Variants in SH3KBP1 observed in about 807,000 individuals in gnomAD.
The protein encoded by SH3KBP1 is SH3 domain containing kinase binding protein 1.
SH3KBP1 carries 8 observed loss-of-function variants against 50.1 expected under a neutral mutation model. The ratio of observed to expected loss-of-function variants is 0.16; its 90% CI spans 0.09 to 0.29. The LOEUF is 0.29. Among genes scored for constraint, SH3KBP1 ranks in the 10% least tolerant of loss-of-function variants. The probability of loss-of-function intolerance (pLI) is 1.00; values close to 1 mark genes in which losing one functional copy is unlikely to be tolerated. For missense variants in SH3KBP1, 377 were observed against 535.2 expected, an observed-to-expected ratio of 0.70 and a Z score of 2.92; for synonymous variants, 227 against 218.6, an observed-to-expected ratio of 1.04 and a Z score of -0.34.
At chrX:19,645,199 G>T in intron 7 of SH3KBP1, among the ~76,000 whole-genome samples, 1 of 111,837 alleles carries the variant, frequency 8.9e-6, no homozygotes, top group East Asian at 2.8e-4. Context: ...TAAGGGGAAA[G>T]AAAAAAACAA....
intron 9 of SH3KBP1, among the ~76,000 whole-genome samples, chrX:19,602,432 T>C (rs955423798): frequency 8.9e-6 from 1 of 111,929 alleles, no homozygotes; most frequent in Non-Finnish European, 1.9e-5. Flanking sequence ...GGGAATACCA[T>C]CTGGGTGGCT....
At position 19,537,728 on chromosome X, in the gene SH3KBP1, G is replaced by A. The variant is rs1232231428; in HGVS notation, c.1945C>T (p.Leu649Phe). 8 of 1,209,083 alleles carry A rather than the reference G, an allele frequency of 6.6e-6. No homozygotes were observed. In the Admixed American group the frequency reaches 8.8e-5, roughly 13 times the overall value. ...CCAAAGGGACGCACCTGCAACCGAA[G>A]CCGGATTTTCTTCTCTTCATCCAAC... ...SELDEEKKIR[L>F]RLQMEVNDIK... Residue 649 changes from leucine (L) to phenylalanine (F), a missense_variant, in exon 17 of 18, where the codon CTT (leucine) becomes TTT (phenylalanine). Physicochemically the swap from Leu to Phe is conservative, Grantham distance 22 (BLOSUM62 0). Transcript: ENST00000397821.
rs994974421 is a variant in SH3KBP1 at position 19,697,041 on chromosome X, C to T, written c.391-1300G>A. Among the ~76,000 whole-genome samples, 4 of 111,726 alleles carry T rather than the reference C, an allele frequency of 3.6e-5. No individual in the cohort carries two copies. The East Asian group carries it at 8.5e-4, about 24-fold the overall frequency. ...CCATGTGATCATGAGGGTAAACAAC[C>T]GACACTCTTCAGTATACTGTTTTGC... On this transcript the variant is annotated intron_variant, in intron 4 of 17. Coordinates refer to ENST00000397821, the MANE Select transcript of SH3KBP1 (RefSeq NM_031892.3).
intron 2 of SH3KBP1, among the ~76,000 whole-genome samples, chrX:19,831,791 CAAAA>C (rs368754488): frequency 2.7e-5 from 1 of 36,387 alleles, no homozygotes; most frequent in African/African-American, 1.5e-4. Flanking sequence ...AACTCCATCC[CAAAA>C]AAAAAAAAAG....
Position 19,537,788 on chromosome X carries a change from G to A in SH3KBP1, c.1893-8C>T, listed in dbSNP as rs887801302. On this transcript the variant is annotated splice_polypyrimidine_tract_variant and splice_region_variant and intron_variant, in intron 16 of 17. Coordinates refer to ENST00000397821, the MANE Select transcript of SH3KBP1 (RefSeq NM_031892.3). ...AACTGTTTAATCTCTCGTCTGAAAA[G>A]CAAATGGCAATGAAATTAACCAAAA... The A allele has an allele frequency of 2.4e-5, 29 of 1,198,548 alleles. No individual in the cohort carries two copies. Among genetic ancestry groups the A allele is most frequent in the Non-Finnish European group, 3.2e-5 (28 of 885,529 alleles).
At chrX:19,884,275 T>C (rs921758200) in intron 1 of SH3KBP1, among the ~76,000 whole-genome samples, 3 of 113,034 alleles carry the variant, frequency 2.7e-5, no homozygotes, top group Non-Finnish European at 5.6e-5. Flanking sequence ...GTCATGTCTC[T>C]GTTCTGCACC....
At chrX:19,696,360 CA>C (rs1277783276) in intron 4 of SH3KBP1, among the ~76,000 whole-genome samples, 1 of 111,833 alleles carries the variant, frequency 8.9e-6, no homozygotes. Flanking sequence ...CCCAGACTAC[CA>C]AACTAACTAA....
chrX:19,823,130 C>T (rs899299525), intron 2 of SH3KBP1, among the ~76,000 whole-genome samples: 1 of 111,405 alleles, frequency 9.0e-6, no homozygotes, highest in African/African-American at 3.3e-5. Context: ...CTGCCTACCA[C>T]TGCTGAGTGG....
At chrX:19,715,274 CAAAA>C (rs35221727) in intron 3 of SH3KBP1, among the ~76,000 whole-genome samples, 1 of 40,319 alleles carries the variant, frequency 2.5e-5, no homozygotes, top group Non-Finnish European at 5.0e-5. Context: ...ACCTTGTCTC[CAAAA>C]AAAAAAAAAA....
At chrX:19,852,804 C>A (rs747424876) in intron 1 of SH3KBP1, among the ~76,000 whole-genome samples, 3 of 111,341 alleles carry the variant, frequency 2.7e-5, no homozygotes, top group Non-Finnish European at 1.9e-5. Context: ...TACTTACTGA[C>A]GGTCTGCGGG....
At chrX:19,619,941 T>C (rs2067755627) in intron 8 of SH3KBP1, among the ~76,000 whole-genome samples, 1 of 112,182 alleles carries the variant, frequency 8.9e-6, no homozygotes, top group African/African-American at 3.2e-5. Flanking sequence ...ATCGGAAATC[T>C]TAAAAGCTGT....
chrX:19,745,370 C>T (rs1019940185), intron 3 of SH3KBP1, among the ~76,000 whole-genome samples: 1 of 112,222 alleles, frequency 8.9e-6, no homozygotes, highest in Non-Finnish European at 1.9e-5. Context: ...AAGAGAGGCA[C>T]AAAGCTATGA....
intron 4 of SH3KBP1, among the ~76,000 whole-genome samples, chrX:19,703,877 T>A (rs958140020): frequency 5.4e-5 from 6 of 111,162 alleles, no homozygotes; most frequent in Non-Finnish European, 9.4e-5. Flanking sequence ...AAAACTATTA[T>A]GTTCTTGCTT....
chrX:19,621,858 C>G (rs1308188937), intron 8 of SH3KBP1, among the ~76,000 whole-genome samples: 1 of 111,320 alleles, frequency 9.0e-6, no homozygotes, highest in Non-Finnish European at 1.9e-5. Context: ...TTATACGCAT[C>G]CATGCAGAAC....
chrX:19,696,853 G>C (rs778355493), intron 4 of SH3KBP1, among the ~76,000 whole-genome samples: 1 of 112,039 alleles, frequency 8.9e-6, no homozygotes, highest in South Asian at 3.7e-4. Flanking sequence ...ATTTACAATA[G>C]GTCGACTTAG....
rs766321214 is a variant in SH3KBP1 at position 19,641,190 on chromosome X, T to G, written c.802+4210A>C. 2.7e-5 allele frequency among the ~76,000 whole-genome samples: 3 copies of G among 111,977 alleles called. No homozygotes were observed. The South Asian group carries it at 1.1e-3, about 41-fold the overall frequency. On this transcript the variant is annotated intron_variant, in intron 7 of 17. Transcript: ENST00000397821. ...GGCCGATTGGGAGAGCAGTGGCTGG[T>G]AAGAAGAGAGGGTCTGGCAAGCCCC...
At chrX:19,722,583 T>C (rs1226108895) in intron 3 of SH3KBP1, among the ~76,000 whole-genome samples, 1,053 of 103,951 alleles carry the variant, frequency 0.01, 22 homozygotes, top group African/African-American at 0.036. Context: ...TGTGTGTGTG[T>C]GTGTGTGTGT....
intron 1 of SH3KBP1, among the ~76,000 whole-genome samples, chrX:19,876,459 C>A (rs1333099767): frequency 2.7e-5 from 3 of 111,666 alleles, no homozygotes; most frequent in East Asian, 2.8e-4. Flanking sequence ...AGCCTCAGGA[C>A]AATAGAGCAG....
intron 6 of SH3KBP1, among the ~76,000 whole-genome samples, chrX:19,654,957 G>T (rs758806562): frequency 8.9e-6 from 1 of 111,838 alleles, no homozygotes; most frequent in African/African-American, 3.2e-5. Flanking sequence ...AATATTTTAC[G>T]TATTCAATCA....
Sources: allele counts gnomAD v4.1 joint callset (sites outside exome capture counted in the v4.1 genomes callset), GRCh38; gene constraint gnomAD v4.1.1; transcripts MANE v1.5; gene names NCBI Gene and HGNC (gene_info 2026-07-23, HGNC 2026-07-21).